Variants in POU6F2 observed in about 807,000 individuals in gnomAD.
POU6F2 encodes POU class 6 homeobox 2.
POU6F2 carries 31 observed loss-of-function variants against 71.3 expected under a neutral mutation model. That is an observed-to-expected ratio of 0.43 (90% CI 0.33 to 0.59). POU6F2 has a LOEUF of 0.59. POU6F2 is among the 20% of genes least tolerant of loss of function. The probability of loss-of-function intolerance (pLI) is 0.04; values close to 1 mark genes in which losing one functional copy is unlikely to be tolerated. For missense variants in POU6F2, 783 were observed against 856.8 expected (o/e 0.91, Z 1.07); for synonymous variants, 347 against 355.7 (o/e 0.98, Z 0.27).
At chr7:39,366,801 G>T (rs55751785) in intron 5 of POU6F2, among the ~76,000 whole-genome samples, 29,693 of 151,938 alleles carry the variant, frequency 0.2, 3,414 homozygotes, top group East Asian at 0.59. Flanking sequence ...AGTTGGGGAG[G>T]CAGGGGAGGA....
chr7:39,416,856 G>A (rs920243072), intron 6 of POU6F2, among the ~76,000 whole-genome samples: 1 of 151,668 alleles, frequency 6.6e-6, no homozygotes, highest in African/African-American at 2.4e-5. Context: ...TGTAATTAAG[G>A]GGGATACTAT....
Position 39,319,369 on chromosome 7 carries a change from C to T in POU6F2, c.599-20273C>T, listed in dbSNP as rs1402659984. ...CACTAACTACTGTTGGCTGGCTTCACGCTCGCTGGACTTGGAGATATTTAC... is the reference window on the plus strand; with the variant it reads ...CACTAACTACTGTTGGCTGGCTTCATGCTCGCTGGACTTGGAGATATTTAC... On this transcript the variant is annotated intron_variant, in intron 4 of 9. Coordinates refer to ENST00000518318, the MANE Select transcript of POU6F2 (RefSeq NM_001370959.1). Among the ~76,000 whole-genome samples the T allele has an allele frequency of 3.3e-5, 5 of 152,160 alleles. No homozygotes were observed. The South Asian group carries it at 6.2e-4, about 19-fold the overall frequency.
At chr7:39,146,785 A>G (rs766903261) in intron 2 of POU6F2, among the ~76,000 whole-genome samples, 5 of 152,206 alleles carry the variant, frequency 3.3e-5, no homozygotes, top group African/African-American at 4.8e-5. Flanking sequence ...GAGTAGAATG[A>G]GTTGCCCAAG....
At chr7:39,419,241 T>C (rs549634904) in intron 6 of POU6F2, among the ~76,000 whole-genome samples, 4 of 150,772 alleles carry the variant, frequency 2.7e-5, no homozygotes, top group Admixed American at 6.6e-5. Context: ...CTGTTTGGGT[T>C]TTTTGCTTGT....
chr7:39,022,174 C>T (rs1165531012), intron 1 of POU6F2, among the ~76,000 whole-genome samples: 1 of 151,886 alleles, frequency 6.6e-6, no homozygotes, highest in Non-Finnish European at 1.5e-5. Context: ...CTATTTGTTA[C>T]TTTCTGCATT....
chr7:39,056,662 C>CTGTGTGTG (rs749810621), intron 1 of POU6F2, among the ~76,000 whole-genome samples: 1,563 of 113,374 alleles, frequency 0.014, 20 homozygotes, highest in Middle Eastern at 0.025. Flanking sequence ...CTCTCTCTCT[C>CTGTGTGTG]TGTGTGTGTG....
At chr7:39,417,564 G>A (rs977031004) in intron 6 of POU6F2, among the ~76,000 whole-genome samples, 9 of 152,178 alleles carry the variant, frequency 5.9e-5, no homozygotes, top group Non-Finnish European at 1.2e-4. Context: ...GAATACTACA[G>A]TGAAGTCAAG....
intron 2 of POU6F2, among the ~76,000 whole-genome samples, chr7:39,099,653 G>C (rs572385566): frequency 6.6e-6 from 1 of 152,300 alleles, no homozygotes; most frequent in Admixed American, 6.5e-5. Flanking sequence ...CTAGGCACAA[G>C]GCTATGAGCT....
chr7:38,998,838 T>A (rs2568689), intron 1 of POU6F2, among the ~76,000 whole-genome samples: 1 of 141,330 alleles, frequency 7.1e-6, no homozygotes, highest in Non-Finnish European at 1.5e-5. Flanking sequence ...TTTTTTTTTT[T>A]TATTTTCAGT....
intron 2 of POU6F2, among the ~76,000 whole-genome samples, chr7:39,155,070 G>C (rs2128735293): frequency 6.6e-6 from 1 of 152,210 alleles, no homozygotes; most frequent in South Asian, 2.1e-4. Flanking sequence ...AGTGAAAGTT[G>C]AGTAGTGACT....
chr7:39,416,315 G>A (rs1440552539), intron 6 of POU6F2, among the ~76,000 whole-genome samples: 4 of 152,190 alleles, frequency 2.6e-5, no homozygotes, highest in African/African-American at 9.7e-5. Context: ...TCTTGCCAGA[G>A]AAAATCGCCT....
chr7:39,157,591 G>A (rs1387528023), intron 2 of POU6F2, among the ~76,000 whole-genome samples: 2 of 152,160 alleles, frequency 1.3e-5, no homozygotes, highest in Admixed American at 6.5e-5. Flanking sequence ...AACAGTGATT[G>A]TAAGGAATTA....
At chr7:39,085,666 G>A (rs1313961180) in intron 1 of POU6F2, 194 bp from the exon 2 acceptor site, 8 of 559,790 alleles carry the variant, frequency 1.4e-5, no homozygotes, top group Non-Finnish European at 2.2e-5. Flanking sequence ...AGAACTCATC[G>A]GATCTGTAAT....
At chr7:39,133,977 G>T (rs1234070536) in intron 2 of POU6F2, among the ~76,000 whole-genome samples, 1 of 151,910 alleles carries the variant, frequency 6.6e-6, no homozygotes, top group Non-Finnish European at 1.5e-5. Context: ...TGGGCTCAAG[G>T]GATCCTCCCA....
chr7:39,104,855 G>A (rs1451743232), intron 2 of POU6F2, among the ~76,000 whole-genome samples: 1 of 152,228 alleles, frequency 6.6e-6, no homozygotes, highest in Non-Finnish European at 1.5e-5. Flanking sequence ...TATTAGTGAA[G>A]AGATATTTGA....
At chr7:39,033,159 A>C (rs1463768668) in intron 1 of POU6F2, among the ~76,000 whole-genome samples, 1 of 152,184 alleles carries the variant, frequency 6.6e-6, no homozygotes, top group African/African-American at 2.4e-5. Context: ...GAGAATATAC[A>C]CTATACATCA....
At chr7:39,254,606 C>G (rs1783984020) in intron 4 of POU6F2, among the ~76,000 whole-genome samples, 1 of 152,148 alleles carries the variant, frequency 6.6e-6, no homozygotes, top group Admixed American at 6.5e-5. Context: ...CATCCCTTGC[C>G]CTCCTTAGCA....
intron 1 of POU6F2, among the ~76,000 whole-genome samples, chr7:39,064,519 C>T (rs6979210): frequency 2.0e-5 from 3 of 151,174 alleles, no homozygotes; most frequent in Non-Finnish European, 4.4e-5. Context: ...CTCCAAATGA[C>T]AAATGAAGCA....
At chr7:39,172,041 A>C (rs961508868) in intron 2 of POU6F2, among the ~76,000 whole-genome samples, 13 of 152,198 alleles carry the variant, frequency 8.5e-5, no homozygotes, top group African/African-American at 2.7e-4. Flanking sequence ...CAAAAGGAAC[A>C]CTTGCTCCTT....
Sources: allele counts gnomAD v4.1 joint callset (sites outside exome capture counted in the v4.1 genomes callset), GRCh38; gene constraint gnomAD v4.1.1; transcripts MANE v1.5; gene names NCBI Gene and HGNC (gene_info 2026-07-23, HGNC 2026-07-21).